Variants in MIPEP observed in about 807,000 individuals in gnomAD.
The protein encoded by MIPEP is mitochondrial intermediate peptidase.
MIPEP carries 79 observed loss-of-function variants against 90.3 expected under a neutral mutation model. The ratio of observed to expected loss-of-function variants is 0.87; its 90% CI spans 0.73 to 1.05. MIPEP has a LOEUF of 1.05. Ranked by LOEUF, MIPEP falls within the 50% of genes least tolerant of loss-of-function variation. MIPEP has a pLI of 0.00. For missense variants in MIPEP, 940 were observed against 905.6 expected (o/e 1.04, Z -0.49); for synonymous variants, 334 against 315.8 (o/e 1.06, Z -0.61).
intron 15 of MIPEP, among the ~76,000 whole-genome samples, chr13:23,806,993 T>C (rs894193405): frequency 6.6e-6 from 1 of 152,142 alleles, no homozygotes; most frequent in Non-Finnish European, 1.5e-5. Context: ...AGAATTCTGA[T>C]GCAGCTGTTG....
chr13:23,810,292 A>G (rs1953157683), intron 14 of MIPEP, among the ~76,000 whole-genome samples: 1 of 152,226 alleles, frequency 6.6e-6, no homozygotes, highest in Non-Finnish European at 1.5e-5. Context: ...AGTGCATATA[A>G]TCACTGACAA....
intron 14 of MIPEP, among the ~76,000 whole-genome samples, chr13:23,823,577 C>T (rs1054414132): frequency 6.6e-6 from 1 of 152,098 alleles, no homozygotes; most frequent in Non-Finnish European, 1.5e-5. Flanking sequence ...GCCTATAATC[C>T]CTGCATTTTG....
chr13:23,802,312 C>T (rs546963053), intron 16 of MIPEP, among the ~76,000 whole-genome samples: 2 of 152,270 alleles, frequency 1.3e-5, no homozygotes, highest in Admixed American at 6.5e-5. Flanking sequence ...TGGTGGCTCA[C>T]ACCTGTAATC....
At chr13:23,746,887 A>G (rs1012082837) in intron 18 of MIPEP, among the ~76,000 whole-genome samples, 2 of 152,224 alleles carry the variant, frequency 1.3e-5, no homozygotes, top group Non-Finnish European at 2.9e-5. Context: ...CTCTGGACGT[A>G]TCTCAAAATG....
At chr13:23,822,104 A>C (rs1433908099) in intron 14 of MIPEP, among the ~76,000 whole-genome samples, 1 of 152,212 alleles carries the variant, frequency 6.6e-6, no homozygotes, top group Non-Finnish European at 1.5e-5. Context: ...TAACAGTGGT[A>C]TTTCAAAAGC....
At chr13:23,795,550 G>A (rs1175203925) in intron 16 of MIPEP, among the ~76,000 whole-genome samples, 1 of 152,030 alleles carries the variant, frequency 6.6e-6, no homozygotes, top group Non-Finnish European at 1.5e-5. Flanking sequence ...TCACTTAATG[G>A]ATAATTATTT....
intron 15 of MIPEP, 108 bp from the exon 16 acceptor site, chr13:23,806,177 T>C (rs572307476): frequency 4.5e-6 from 5 of 1,101,796 alleles, no homozygotes; most frequent in South Asian, 4.1e-5. Flanking sequence ...CCAATCACAG[T>C]TGAAAACAGT....
intron 10 of MIPEP, among the ~76,000 whole-genome samples, chr13:23,852,425 G>A (rs1869837485): frequency 6.6e-6 from 1 of 152,170 alleles, no homozygotes; most frequent in Non-Finnish European, 1.5e-5. Context: ...GTAATCACAA[G>A]CCAGGTAACA....
At chr13:23,849,526 A>G (rs534338952) in intron 10 of MIPEP, among the ~76,000 whole-genome samples, 5 of 152,376 alleles carry the variant, frequency 3.3e-5, no homozygotes, top group African/African-American at 1.2e-4. Context: ...AGGTGACTGA[A>G]TAAGTCCAAT....
At chr13:23,845,347 C>T (rs1376335129) in intron 10 of MIPEP, among the ~76,000 whole-genome samples, 1 of 152,156 alleles carries the variant, frequency 6.6e-6, no homozygotes, top group East Asian at 1.9e-4. Context: ...CAATGAGAGC[C>T]TGAAGCATCA....
chr13:23,820,425 C>T (rs150865788), intron 14 of MIPEP, among the ~76,000 whole-genome samples: 2 of 152,338 alleles, frequency 1.3e-5, no homozygotes, highest in Admixed American at 6.5e-5. Context: ...AGAACACCTG[C>T]TCCCTCCACC....
chr13:23,863,036 T>A (rs1870379651), intron 8 of MIPEP, among the ~76,000 whole-genome samples: 1 of 152,184 alleles, frequency 6.6e-6, no homozygotes, highest in Non-Finnish European at 1.5e-5. Context: ...ATTTTAGAAT[T>A]TATAAACATA....
chr13:23,758,886 A>C (rs1952511832), intron 17 of MIPEP, among the ~76,000 whole-genome samples: 1 of 152,222 alleles, frequency 6.6e-6, no homozygotes. Flanking sequence ...CCAGTTTTTA[A>C]TGGTGAAGTC....
At chr13:23,767,459 T>TC (rs1055849188) in intron 16 of MIPEP, among the ~76,000 whole-genome samples, 34 of 152,032 alleles carry the variant, frequency 2.2e-4, no homozygotes, top group East Asian at 1.9e-4. Flanking sequence ...TTGTAAATTT[T>TC]TTTTTTTTTT....
chr13:23,840,660 CGA>C (rs1566013475), intron 11 of MIPEP, among the ~76,000 whole-genome samples: 3 of 152,060 alleles, frequency 2.0e-5, no homozygotes, highest in Admixed American at 6.6e-5. Flanking sequence ...AAGACGTGGC[CGA>C]GAGACAATGA....
chr13:23,778,446 C>A (rs911577798), intron 16 of MIPEP, among the ~76,000 whole-genome samples: 2 of 152,132 alleles, frequency 1.3e-5, no homozygotes, highest in Admixed American at 6.5e-5. Flanking sequence ...ATCACCATAA[C>A]CATGCTCAAG....
At chr13:23,800,739 A>C (rs1953026679) in intron 16 of MIPEP, among the ~76,000 whole-genome samples, 2 of 152,206 alleles carry the variant, frequency 1.3e-5, no homozygotes, top group African/African-American at 4.8e-5. Context: ...CAGTCATGTA[A>C]ATGCAATTTT....
intron 10 of MIPEP, among the ~76,000 whole-genome samples, chr13:23,850,108 G>C (rs891377734): frequency 6.6e-6 from 1 of 152,186 alleles, no homozygotes; most frequent in African/African-American, 2.4e-5. Context: ...GCCTGCCGGA[G>C]GGCACGTGTG....
At chr13:23,750,005 A>G (rs1461924447) in intron 18 of MIPEP, among the ~76,000 whole-genome samples, 1 of 152,174 alleles carries the variant, frequency 6.6e-6, no homozygotes, top group Non-Finnish European at 1.5e-5. Context: ...GAAGGGAAAC[A>G]TGGTGGAGTC....
Sources: allele counts gnomAD v4.1 joint callset (sites outside exome capture counted in the v4.1 genomes callset), GRCh38; gene constraint gnomAD v4.1.1; transcripts MANE v1.5; gene names NCBI Gene and HGNC (gene_info 2026-07-23, HGNC 2026-07-21).